SAFB2: variants seen among roughly 807,000 people sequenced by gnomAD.
The protein encoded by SAFB2 is scaffold attachment factor B2.
Under a neutral mutation model 100.6 loss-of-function variants are expected in SAFB2, and 32 were observed. That is an observed-to-expected ratio of 0.32 (90% CI 0.24 to 0.43). The LOEUF is 0.43. Ranked by LOEUF, SAFB2 falls within the 20% of genes least tolerant of loss-of-function variation. The probability of loss-of-function intolerance (pLI) is 1.00; values close to 1 mark genes in which losing one functional copy is unlikely to be tolerated. For synonymous variants in SAFB2, 500 were observed against 439.4 expected (o/e 1.14, Z -1.72); for missense variants, 1,185 against 1,163.4 (o/e 1.02, Z -0.27).
In SAFB2 at chr19:5,587,437, T is replaced by C; in HGVS notation, c.2706-38A>G. 6.4e-7 allele frequency: 1 copy of C among 1,571,642 alleles called. No homozygotes were observed. The highest frequency in any genetic ancestry group is 1.2e-5 in the South Asian group (1 of 86,536). On this transcript the variant is annotated intron_variant, in intron 20 of 20. Coordinates refer to ENST00000252542, the MANE Select transcript of SAFB2 (RefSeq NM_014649.3). This position sits in a 1 kb window ranked among gnomAD's most constrained non-coding sequence, Gnocchi z 4.9. ...TCAGACAATTTTTTTCCCCTTGAAGTGCTCAGCGTTTTCATCGTAACATGG... is the reference window on the plus strand; with the variant it reads ...TCAGACAATTTTTTTCCCCTTGAAGCGCTCAGCGTTTTCATCGTAACATGG...
At chr19:5,621,914 T>C (rs4807045) in intron 1 of SAFB2, among the ~76,000 whole-genome samples, 1,663 of 152,330 alleles carry the variant, frequency 0.011, 22 homozygotes, top group East Asian at 0.027. Context: ...TCCCAACCCC[T>C]TAATATTTTG....
At chr19:5,618,525 A>G (rs191910027) in intron 2 of SAFB2, among the ~76,000 whole-genome samples, 1 of 152,370 alleles carries the variant, frequency 6.6e-6, no homozygotes, top group East Asian at 1.9e-4. Context: ...TAACAACGCT[A>G]GCAGGTTTTA....
At chr19:5,590,121 ACTTT>A (rs1446193329) in intron 18 of SAFB2, among the ~76,000 whole-genome samples, 153 bp downstream of exon 18, 7 of 152,150 alleles carry the variant, frequency 4.6e-5, no homozygotes, top group Non-Finnish European at 7.4e-5. Flanking sequence ...GAGAACCTGG[ACTTT>A]CTGAGTCAGG....
At chr19:5,590,072 C>T (rs943908877) in intron 18 of SAFB2, among the ~76,000 whole-genome samples, 1 of 152,174 alleles carries the variant, frequency 6.6e-6, no homozygotes, top group African/African-American at 2.4e-5. Context: ...GCGACCTGGA[C>T]AGCTCCATCC....
intron 4 of SAFB2, among the ~76,000 whole-genome samples, chr19:5,614,028 A>G (rs749049217): frequency 6.6e-6 from 1 of 152,204 alleles, no homozygotes; most frequent in Non-Finnish European, 1.5e-5. Flanking sequence ...ATCTCGGCTC[A>G]TTGCAACCTC....
chr19:5,620,829 T>G (rs2053124903), intron 2 of SAFB2, among the ~76,000 whole-genome samples: 1 of 152,202 alleles, frequency 6.6e-6, no homozygotes, highest in Non-Finnish European at 1.5e-5. Flanking sequence ...GTCTGTGAAT[T>G]AAACCTTCAC....
chr19:5,607,696 T>C (rs950099616), intron 9 of SAFB2, among the ~76,000 whole-genome samples: 7 of 152,182 alleles, frequency 4.6e-5, no homozygotes, highest in Non-Finnish European at 4.4e-5. Context: ...AGAGTAAACA[T>C]TTCCCCGGGA....
In SAFB2 at chr19:5,610,106, A is replaced by G. The variant is rs1325028533; in HGVS notation, c.1196-11T>C. On this transcript the variant is annotated splice_polypyrimidine_tract_variant and intron_variant, in intron 8 of 20. Coordinates refer to ENST00000252542, the MANE Select transcript of SAFB2 (RefSeq NM_014649.3). The stretch of plus-strand genomic sequence containing the variant: ...CGCTGCCGACCCGACCTGGCACGAG[A>G]GGGAGATTCTTAGGCATCACCCCAA... 1 of 1,612,774 alleles carries G rather than the reference A, an allele frequency of 6.2e-7. No individual in the cohort carries two copies. Among genetic ancestry groups the G allele is most frequent in the Admixed American group, 1.7e-5 (1 of 59,986 alleles).
intron 18 of SAFB2, 23 bp downstream of exon 18, chr19:5,590,255 C>G: frequency 6.5e-7 from 1 of 1,545,244 alleles, no homozygotes; most frequent in Non-Finnish European, 8.7e-7. Flanking sequence ...TGCTCCCCAC[C>G]CGGCTGGGGC....
At position 5,616,345 on chromosome 19, in the gene SAFB2, G is replaced by A; in HGVS notation, c.340-10C>T. On this transcript the variant is annotated splice_polypyrimidine_tract_variant and intron_variant, in intron 3 of 20. Transcript: ENST00000252542. Reference sequence around the variant, plus strand: ...TTGCTTCCATGTCCTCCTGTAAAGAGGAAGAAGAATCGTTAACGACCACCT... The same window carrying A: ...TTGCTTCCATGTCCTCCTGTAAAGAAGAAGAAGAATCGTTAACGACCACCT... 1.2e-6 allele frequency: 2 copies of A among 1,614,074 alleles called. No individual in the cohort carries two copies. Among genetic ancestry groups the A allele is most frequent in the South Asian group, 2.2e-5 (2 of 91,066 alleles).
At chr19:5,610,791 T>A (rs1259930692) in intron 7 of SAFB2, 103 bp from the exon 8 acceptor site, 1 of 880,712 alleles carries the variant, frequency 1.1e-6, no homozygotes, top group Non-Finnish European at 1.7e-6. Flanking sequence ...AGAAAATTAG[T>A]CTGAAATAAA....
Position 5,593,958 on chromosome 19 carries a change from G to C in SAFB2, c.2140C>G (p.Arg714Gly). ...RIHREREELR[R>G]QQEQLRYEQE... ...TCGTAACGCAGCTGCTCCTGCTGGC[G>C]CCGCAGCTCCTCGCGCTCGCGGTGG... Residue 714 changes from arginine to glycine, a missense_variant, in exon 15 of 21, where the codon CGC becomes GGC. This residue lies in a region of SAFB2 where 740 missense variants were observed against 687.1 expected (regional missense o/e 1.08). Transcript: ENST00000252542. 6.4e-7 allele frequency: 1 copy of C among 1,554,120 alleles called. No homozygotes were observed. Among genetic ancestry groups the C allele is most frequent in the African/African-American group, 1.4e-5 (1 of 72,828 alleles).
At chr19:5,590,478 T>C in intron 17 of SAFB2, 70 bp from the exon 18 acceptor site, 1 of 1,497,888 alleles carries the variant, frequency 6.7e-7, no homozygotes, top group Non-Finnish European at 9.0e-7. Flanking sequence ...CCGGAAGGCC[T>C]GTCCACTGCA....
chr19:5,596,706 A>T (rs934877279), intron 13 of SAFB2, among the ~76,000 whole-genome samples: 2 of 152,016 alleles, frequency 1.3e-5, no homozygotes, highest in African/African-American at 4.8e-5. Flanking sequence ...TCCCATTTCC[A>T]AGGTTCTCCA....
rs552088442 is a variant in SAFB2 at position 5,608,581 on chromosome 19, C to G, written c.1296+1414G>C. ...AATGAAACATTAACCAACACCTGAT[C>G]GGGTGACACAGACCTAGACAAAGGA... On this transcript the variant is annotated intron_variant, in intron 9 of 20. Transcript: ENST00000252542. Among the ~76,000 whole-genome samples the G allele has an allele frequency of 1.1e-4, 16 of 152,316 alleles. 1 individual carries two copies. The East Asian group carries it at 2.7e-3, about 26-fold the overall frequency.
intron 17 of SAFB2, 67 bp from the exon 18 acceptor site, chr19:5,590,475 G>A: frequency 6.6e-7 from 1 of 1,508,688 alleles, no homozygotes; most frequent in Non-Finnish European, 8.9e-7. Context: ...CTTCCGGAAG[G>A]CCTGTCCACT....
chr19:5,602,739 G>A (rs1004704184), intron 11 of SAFB2, among the ~76,000 whole-genome samples: 51 of 152,020 alleles, frequency 3.4e-4, no homozygotes, highest in African/African-American at 1.0e-3. Flanking sequence ...AATTATTACC[G>A]CCTTTCCCAC....
intron 2 of SAFB2, among the ~76,000 whole-genome samples, chr19:5,619,638 G>C (rs944984307): frequency 6.6e-6 from 1 of 152,122 alleles, no homozygotes; most frequent in Admixed American, 6.5e-5. Context: ...TGAGGAGTTC[G>C]AGACCAGCCT....
At chr19:5,616,630 CTCAATTTGTTTTCTTTT>C in intron 2 of SAFB2, 144 bp from the exon 3 acceptor site, 1 of 473,724 alleles carries the variant, frequency 2.1e-6, no homozygotes, top group Admixed American at 3.7e-5. Flanking sequence ...GTAATTTTGT[CTCAATTTGTTTTCTTTT>C]TTTTTTTTTT....
Sources: allele counts gnomAD v4.1 joint callset (sites outside exome capture counted in the v4.1 genomes callset), GRCh38; gene constraint gnomAD v4.1.1; regional missense constraint gnomAD v4.1.1; non-coding constraint Gnocchi (gnomAD v3.1); transcripts MANE v1.5; gene names NCBI Gene and HGNC (gene_info 2026-07-23, HGNC 2026-07-21).